Variants in HAUS6 observed in about 807,000 individuals in gnomAD.
HAUS6 encodes the protein HAUS augmin-like complex subunit 6.
In HAUS6, 80 loss-of-function variants were observed where a neutral mutation model predicts 106.8. That is an observed-to-expected ratio of 0.75 (90% CI 0.63 to 0.90). The LOEUF is 0.90. Ranked by LOEUF, HAUS6 falls within the 40% of genes least tolerant of loss-of-function variation. The pLI is 0.00. For synonymous variants in HAUS6, 356 were observed against 379.1 expected, an observed-to-expected ratio of 0.94 and a Z score of 0.71; for missense variants, 1,155 against 1,118.1, an observed-to-expected ratio of 1.03 and a Z score of -0.47.
intron 11 of HAUS6, 54 bp downstream of exon 11, chr9:19,076,548 A>G: frequency 1.2e-6 from 1 of 815,080 alleles, no homozygotes; most frequent in Non-Finnish European, 2.1e-6. Context: ...ATTATAATGA[A>G]AAAGAATGAC....
intron 1 of HAUS6, among the ~76,000 whole-genome samples, chr9:19,096,978 A>G (rs1304904499): frequency 6.6e-6 from 1 of 152,184 alleles, no homozygotes; most frequent in Non-Finnish European, 1.5e-5. Context: ...ACACAGATTC[A>G]ATATAAGACT....
chr9:19,093,308 G>A lies in HAUS6; in HGVS notation c.304-5C>T. 1 of 1,592,644 alleles carries A rather than the reference G, an allele frequency of 6.3e-7. No homozygotes were observed. Among genetic ancestry groups the A allele is most frequent in the Non-Finnish European group, 8.5e-7 (1 of 1,169,664 alleles). The stretch of plus-strand genomic sequence containing the variant: ...AAAGCTACTTCCACATTCACCCTAT[G>A]AAGAAAAGAAATAAGATGATTTGAA... On this transcript the variant is annotated splice_region_variant and splice_polypyrimidine_tract_variant and intron_variant, in intron 3 of 16. Coordinates refer to ENST00000380502, the MANE Select transcript of HAUS6 (RefSeq NM_017645.5).
intron 11 of HAUS6, among the ~76,000 whole-genome samples, chr9:19,075,981 A>G (rs972666817): frequency 6.6e-6 from 1 of 150,802 alleles, no homozygotes; most frequent in African/African-American, 2.4e-5. Flanking sequence ...AAAAAAAAAC[A>G]CAAGTACATT....
Position 19,063,056 on chromosome 9 carries a change from A to G in HAUS6, c.1581T>C (p.Ala527=). The G allele has an allele frequency of 6.2e-7, 1 of 1,611,418 alleles. No homozygotes were observed. Among genetic ancestry groups the G allele is most frequent in the African/African-American group, 1.3e-5 (1 of 74,952 alleles). The part of the protein sequence containing the change: ...ESSAFGGSLP[A]KKSDPFQKEQ... ...CTTTTTGAAATGGATCACTTTTTTTAGCTGGCAAAGACCCTCCAAATGCAC... is the reference window on the plus strand; with the variant it reads ...CTTTTTGAAATGGATCACTTTTTTTGGCTGGCAAAGACCCTCCAAATGCAC... The change falls in exon 14 of 17, where the codon GCT becomes GCC. Residue 527 remains alanine (A), a synonymous_variant. Coordinates refer to ENST00000380502, the MANE Select transcript of HAUS6 (RefSeq NM_017645.5).
At position 19,057,937 on chromosome 9, in the gene HAUS6, T is replaced by C. The variant is rs1836509610; in HGVS notation, c.2806+24A>G. ...GAGAGAAAACTTCAACAGGTGAATATGCATAGGTCTATTTAAACCTTACCC... is the reference window on the plus strand; with the variant it reads ...GAGAGAAAACTTCAACAGGTGAATACGCATAGGTCTATTTAAACCTTACCC... On this transcript the variant is annotated intron_variant, in intron 16 of 16. Coordinates refer to ENST00000380502, the MANE Select transcript of HAUS6 (RefSeq NM_017645.5). The C allele has an allele frequency of 1.3e-5, 18 of 1,401,146 alleles. No individual in the cohort carries two copies. The East Asian group carries it at 3.7e-4, about 29-fold the overall frequency. 86.8% of individuals were successfully genotyped at this position (1,401,146 alleles called of 1,614,324 possible).
intron 16 of HAUS6, chr9:19,056,623 C>A (rs1424740574): frequency 6.7e-6 from 3 of 444,584 alleles, no homozygotes; most frequent in Non-Finnish European, 1.2e-5. Context: ...TTTTCTGCGA[C>A]AGGGTCTTGC....
At chr9:19,088,739 G>T (rs1017466960) in intron 5 of HAUS6, among the ~76,000 whole-genome samples, 1 of 151,256 alleles carries the variant, frequency 6.6e-6, no homozygotes, top group Admixed American at 6.6e-5. Flanking sequence ...TGAGCCAGGC[G>T]TGGTGGCAGG....
Position 19,086,729 on chromosome 9 carries a change from C to T in HAUS6, c.699+5G>A. 8.2e-7 allele frequency: 1 copy of T among 1,225,902 alleles called. No individual in the cohort carries two copies. The highest frequency in any genetic ancestry group is 1.2e-6 in the Non-Finnish European group (1 of 840,468). The allele number at this position is 1,225,902 out of a possible 1,614,324, so 75.9% of individuals were successfully genotyped here. A position where few individuals can be genotyped will look rare whatever the true frequency, so the allele number is the denominator to read the frequency against. ...TTAAATTTCTCCTTTTATAAGTTGT[C>T]TCACCTTTTGAATTTTTTCTTCCAT... On this transcript the variant is annotated splice_donor_5th_base_variant and intron_variant, in intron 7 of 16. Coordinates refer to ENST00000380502, the MANE Select transcript of HAUS6 (RefSeq NM_017645.5).
chr9:19,080,800 G>A, intron 8 of HAUS6, 128 bp from the exon 9 acceptor site: 1 of 606,540 alleles, frequency 1.6e-6, no homozygotes, highest in Non-Finnish European at 2.9e-6. Context: ...AGACGCAACG[G>A]CTCACACCTG....
chr9:19,058,858 C>A lies in HAUS6; in HGVS notation c.1909G>T (p.Ala637Ser), dbSNP rs773696098. The part of the protein sequence containing the change: ...VLHNQREFSM[A>S]DFLLETTVSD... ...ACAGTGGTTTCTAAGAGAAAATCAGCCATGCTAAATTCTCTTTGATTGTGC... is the reference window on the plus strand; with the variant it reads ...ACAGTGGTTTCTAAGAGAAAATCAGACATGCTAAATTCTCTTTGATTGTGC... The change falls in exon 16 of 17, where the codon GCT (alanine) becomes TCT (serine). Residue 637 changes from alanine to serine, a missense_variant. Around this residue, in one of 3 missense-constraint regions of HAUS6, gnomAD observed 380 missense variants for 394.8 expected, o/e 0.96. Coordinates refer to ENST00000380502, the MANE Select transcript of HAUS6 (RefSeq NM_017645.5). The A allele has an allele frequency of 9.9e-6, 16 of 1,613,706 alleles. No homozygotes were observed. Among genetic ancestry groups the A allele is most frequent in the Non-Finnish European group, 1.3e-5 (15 of 1,179,746 alleles).
chr9:19,077,816 T>C (rs1386616926), intron 10 of HAUS6, among the ~76,000 whole-genome samples: 1 of 151,210 alleles, frequency 6.6e-6, no homozygotes, highest in Non-Finnish European at 1.5e-5. Context: ...TCCCAGTACT[T>C]TGGGGAGGCC....
At chr9:19,086,673 C>T in intron 7 of HAUS6, 61 bp downstream of exon 7, 1 of 741,800 alleles carries the variant, frequency 1.3e-6, no homozygotes. Context: ...ACTAATTAAG[C>T]AAACACTGCG....
chr9:19,073,577 A>T (rs1836924021), intron 11 of HAUS6, among the ~76,000 whole-genome samples: 1 of 151,906 alleles, frequency 6.6e-6, no homozygotes, highest in African/African-American at 2.4e-5. Flanking sequence ...AGAGTGCAAA[A>T]GCCCTTTCCC....
rs1836436078 is a variant in HAUS6, at chr9:19,054,857, G to T, written c.*1486C>A. 1 of 152,226 alleles carries T rather than the reference G, an allele frequency of 6.6e-6. No homozygotes were observed. Among genetic ancestry groups the T allele is most frequent in the African/African-American group, 2.4e-5 (1 of 41,458 alleles). The allele number at this position is 152,226 out of a possible 1,614,324, so 9.4% of individuals were successfully genotyped here. On this transcript the variant is annotated 3_prime_UTR_variant, in exon 17 of 17. Coordinates refer to ENST00000380502, the MANE Select transcript of HAUS6 (RefSeq NM_017645.5). ...TAGCAGTGGCTTTGGCACTTCTGCAGATGCTGATAAGACAGTATCACATGC... is the reference window on the plus strand; with the variant it reads ...TAGCAGTGGCTTTGGCACTTCTGCATATGCTGATAAGACAGTATCACATGC...
chr9:19,057,839 A>C (rs1252262598), intron 16 of HAUS6, 122 bp downstream of exon 16: 4 of 614,960 alleles, frequency 6.5e-6, no homozygotes, highest in African/African-American at 5.5e-5. Context: ...CCTCATCCTA[A>C]ATGAAGGAAG....
chr9:19,102,849 G>C lies in HAUS6; in HGVS notation c.-198C>G. ...GGGAAATTGAGTTTCTAACGGTATA[G>C]TGCGGCCACCACTGCCTCAGCGAAG... On this transcript the variant is annotated 5_prime_UTR_variant, in exon 1 of 17. Coordinates refer to ENST00000380502, the MANE Select transcript of HAUS6 (RefSeq NM_017645.5). 2 of 508,152 alleles carry C rather than the reference G, an allele frequency of 3.9e-6. No individual in the cohort carries two copies. Among genetic ancestry groups the C allele is most frequent in the Non-Finnish European group, 6.9e-6 (2 of 289,312 alleles). 31.5% of individuals were successfully genotyped at this position (508,152 alleles called of 1,614,324 possible). A position where few individuals can be genotyped will look rare whatever the true frequency, so the allele number is the denominator to read the frequency against.
chr9:19,070,849 T>C (rs1310369315), intron 11 of HAUS6, among the ~76,000 whole-genome samples: 2 of 152,132 alleles, frequency 1.3e-5, no homozygotes, highest in Admixed American at 6.6e-5. Flanking sequence ...CAGAAGTATA[T>C]ACAGAATTTA....
chr9:19,082,783 C>G, intron 8 of HAUS6, 90 bp downstream of exon 8: 2 of 701,952 alleles, frequency 2.8e-6, no homozygotes, highest in Non-Finnish European at 4.3e-6. Flanking sequence ...AAACAAAAAA[C>G]AAATTCTGAA....
At chr9:19,073,138 GA>G (rs1836914639) in intron 11 of HAUS6, among the ~76,000 whole-genome samples, 1 of 152,080 alleles carries the variant, frequency 6.6e-6, no homozygotes, top group South Asian at 2.1e-4. Context: ...AATCAGTAAG[GA>G]AGGTGAAGAA....
Sources: gnomAD v4.1 joint callset for allele counts (sites outside exome capture counted in the v4.1 genomes callset) on GRCh38, gnomAD v4.1.1 for gene constraint, gnomAD v4.1.1 regional missense constraint, MANE v1.5 for transcripts, NCBI Gene and HGNC (gene_info 2026-07-23, HGNC 2026-07-21) for gene names.